Variants in TPTE2 observed in about 807,000 individuals in gnomAD.
TPTE2 encodes the protein phosphatidylinositol 3,4,5-trisphosphate 3-phosphatase TPTE2.
A neutral mutation model predicts 78.6 loss-of-function variants in TPTE2; 53 were observed. That is an observed-to-expected ratio of 0.67 (90% CI 0.54 to 0.85). The LOEUF is 0.85. Among genes scored for constraint, TPTE2 ranks in the 40% least tolerant of loss-of-function variants. TPTE2 has a pLI of 0.00. For missense variants in TPTE2, 461 were observed against 623.0 expected (o/e 0.74, Z 2.77); for synonymous variants, 175 against 206.2 (o/e 0.85, Z 1.30).
chr13:19,528,683 G>A (rs1205486534), intron 1 of TPTE2, among the ~76,000 whole-genome samples: 5 of 152,136 alleles, frequency 3.3e-5, no homozygotes, highest in African/African-American at 7.2e-5. Flanking sequence ...GACTTCCTTC[G>A]AGGCTGAATC....
At chr13:19,519,449 T>C (rs534181120) in intron 1 of TPTE2, among the ~76,000 whole-genome samples, 10 of 152,334 alleles carry the variant, frequency 6.6e-5, no homozygotes, top group South Asian at 6.2e-4. Context: ...TTCAAGTTAA[T>C]TTTTCTGTAT....
rs1878954051 is a variant in TPTE2, at chr13:19,462,110, T to C, written c.741+2346A>G. Among the ~76,000 whole-genome samples, 8 of 151,918 alleles carry C rather than the reference T, an allele frequency of 5.3e-5. No individual in the cohort carries two copies. In the South Asian group the frequency reaches 1.7e-3, roughly 32 times the overall value. The stretch of plus-strand genomic sequence containing the variant: ...GTTCTTTTCTTCACCTATTTTTTTT[T>C]AATCTTTGTGGTTTGGTCATTTTCT... On this transcript the variant is annotated intron_variant, in intron 10 of 19. Coordinates refer to ENST00000400230, the Ensembl canonical transcript of TPTE2.
At position 19,535,655 on chromosome 13, in the gene TPTE2, C is replaced by T. The variant is rs865948573; in HGVS notation, c.-44+941G>A. On this transcript the variant is annotated intron_variant, in intron 1 of 17. Transcript: ENST00000390680. The surrounding 1 kb of genome is among the most constrained non-coding windows in gnomAD (Gnocchi z 5.1). ...ATTTATTTATTTATTTATTTTGAGA[C>T]GGAGTCTCACTCTGTCACCAGGCTG... Among the ~76,000 whole-genome samples, 57 of 93,622 alleles carry T rather than the reference C, an allele frequency of 6.1e-4. No homozygotes were observed. The highest frequency in any genetic ancestry group is 9.3e-3 in the Middle Eastern group (2 of 214). The allele number at this position is 93,622 out of a possible 152,430, so 61.4% of individuals were successfully genotyped here.
At chr13:19,504,902 T>C (rs1245743979), upstream of TPTE2, among the ~76,000 whole-genome samples, 1 of 152,104 alleles carries the variant, frequency 6.6e-6, no homozygotes, top group Non-Finnish European at 1.5e-5. Flanking sequence ...AGAAGTAGTA[T>C]ATCTGCACAT....
intron 4 of TPTE2, among the ~76,000 whole-genome samples, chr13:19,476,430 A>G (rs1250808814): frequency 2.0e-5 from 3 of 151,680 alleles, no homozygotes; most frequent in Non-Finnish European, 2.9e-5. Flanking sequence ...GAAGCCTCCA[A>G]CACAGGACTC....
intron 3 of TPTE2, among the ~76,000 whole-genome samples, chr13:19,489,929 C>T (rs992825542): frequency 2.6e-5 from 4 of 152,058 alleles, no homozygotes; most frequent in African/African-American, 7.2e-5. Flanking sequence ...AAAATGTACA[C>T]ATCAGGTCAA....
chr13:19,482,582 A>G, intron 3 of TPTE2, 35 bp from the exon 7 acceptor site: 4 of 1,606,050 alleles, frequency 2.5e-6, no homozygotes, highest in Non-Finnish European at 3.4e-6. Context: ...AAAATATATC[A>G]TTAGATATTT....
rs184080857 is a variant in TPTE2, at chr13:19,464,971, G to C, written c.676+284C>G. ...GAGAAGAGGTCTCTGTGGGATCCTTGGGACTCAGAAATAACTACAAGAGGT... is the reference window on the plus strand; with the variant it reads ...GAGAAGAGGTCTCTGTGGGATCCTTCGGACTCAGAAATAACTACAAGAGGT... On this transcript the variant is annotated intron_variant, in intron 9 of 19. Coordinates refer to ENST00000400230, the Ensembl canonical transcript of TPTE2. 3.5e-3 allele frequency among the ~76,000 whole-genome samples: 527 copies of C among 152,228 alleles called. 3 individuals carry two copies. Among genetic ancestry groups the C allele is most frequent in the South Asian group, 7.3e-3 (35 of 4,816 alleles).
At chr13:19,433,846 T>C (rs1876866752) in intron 15 of TPTE2, among the ~76,000 whole-genome samples, 1 of 152,206 alleles carries the variant, frequency 6.6e-6, no homozygotes, top group Non-Finnish European at 1.5e-5. Context: ...GGTGTGCTGG[T>C]TCTGGACTAA....
chr13:19,521,370 TTA>T (rs1335731157), intron 1 of TPTE2, among the ~76,000 whole-genome samples: 1 of 152,020 alleles, frequency 6.6e-6, no homozygotes, highest in Non-Finnish European at 1.5e-5. Context: ...TTCTGCTTTT[TTA>T]TCATGATTCC....
chr13:19,453,281 G>A (rs143446295), intron 10 of TPTE2, among the ~76,000 whole-genome samples: 3,703 of 151,626 alleles, frequency 0.024, 64 homozygotes, highest in Middle Eastern at 0.051. Flanking sequence ...CACCCTCCTC[G>A]GCCTCCCAAA....
the TPTE2 span, among the ~76,000 whole-genome samples, chr13:19,559,849 G>A: frequency 2.0e-5 from 2 of 98,608 alleles, no homozygotes; most frequent in African/African-American, 6.5e-5. Flanking sequence ...CCCCTAGGAG[G>A]GGGGAGGGGA....
chr13:19,550,369 G>A, the TPTE2 span, among the ~76,000 whole-genome samples: 1 of 152,068 alleles, frequency 6.6e-6, no homozygotes, highest in African/African-American at 2.4e-5. Context: ...AATATACCAC[G>A]AGTTCGTGCT....
At chr13:19,537,753 C>T (rs531110587), upstream of TPTE2, among the ~76,000 whole-genome samples, 9 of 151,452 alleles carry the variant, frequency 5.9e-5, no homozygotes, top group Non-Finnish European at 1.0e-4. Context: ...CAGGTGCCCA[C>T]GACCATGCCC....
intron 11 of TPTE2, 69 bp from the exon 15 acceptor site, chr13:19,450,413 A>G: frequency 4.3e-6 from 6 of 1,395,736 alleles, no homozygotes; most frequent in Non-Finnish European, 6.0e-6. Flanking sequence ...GTTATGAATA[A>G]GTTAACATAT....
At chr13:19,490,379 G>A (rs1880926687) in intron 3 of TPTE2, among the ~76,000 whole-genome samples, 1 of 152,000 alleles carries the variant, frequency 6.6e-6, no homozygotes, top group African/African-American at 2.4e-5. Context: ...TAGTTACCCT[G>A]AAAAATGGAC....
intron 3 of TPTE2, among the ~76,000 whole-genome samples, chr13:19,492,386 C>T (rs1216794527): frequency 6.6e-6 from 1 of 152,162 alleles, no homozygotes; most frequent in Admixed American, 6.5e-5. Context: ...TCCTTATTGG[C>T]TGCTATCTCA....
intron 1 of TPTE2, among the ~76,000 whole-genome samples, chr13:19,536,124 G>C (rs537685658): frequency 2.0e-5 from 3 of 152,094 alleles, no homozygotes; most frequent in African/African-American, 7.2e-5. Context: ...AATATGGATG[G>C]TCTTTTCATT....
intron 17 of TPTE2, 51 bp downstream of exon 20, chr13:19,430,417 T>C (rs774621738): frequency 2.2e-6 from 3 of 1,367,556 alleles, no homozygotes; most frequent in Non-Finnish European, 3.1e-6. Flanking sequence ...GGTTTGACAT[T>C]CAGCCTTAAA....
Sources: gnomAD v4.1 joint callset for allele counts (sites outside exome capture counted in the v4.1 genomes callset) on GRCh38, gnomAD v4.1.1 for gene constraint, Gnocchi (gnomAD v3.1) non-coding constraint, MANE v1.5 for transcripts, NCBI Gene and HGNC (gene_info 2026-07-23, HGNC 2026-07-21) for gene names.